The following MDGA2 variants were observed in gnomAD, a reference collection of about 807,000 sequenced individuals.
MDGA2 encodes MAM domain-containing glycosylphosphatidylinositol anchor protein 2.
MDGA2 carries 40 observed loss-of-function variants against 117.8 expected under a neutral mutation model. The ratio of observed to expected loss-of-function variants is 0.34; its 90% CI spans 0.26 to 0.44. The LOEUF is 0.44. Among genes scored for constraint, MDGA2 ranks in the 20% least tolerant of loss-of-function variants. The pLI, the probability that MDGA2 is intolerant of heterozygous loss-of-function variation, is 1.00. For missense variants in MDGA2, 1,123 were observed against 1,250.6 expected, an observed-to-expected ratio of 0.90 and a Z score of 1.54; for synonymous variants, 452 against 439.0, an observed-to-expected ratio of 1.03 and a Z score of -0.37.
rs139687088 is a variant in MDGA2, at chr14:47,134,847, T to C, written c.793-3001A>G. 4.1e-3 allele frequency among the ~76,000 whole-genome samples: 621 copies of C among 151,732 alleles called. 4 individuals are homozygous for C. The highest frequency in any genetic ancestry group is 0.014 in the African/African-American group (585 of 41,446). ...ACCAACCTCTAATCATTCTGAAAGATTTACTGCATGTAGTCAATATTCTAA... is the reference window on the plus strand; with the variant it reads ...ACCAACCTCTAATCATTCTGAAAGACTTACTGCATGTAGTCAATATTCTAA... On this transcript the variant is annotated intron_variant, in intron 4 of 16. Coordinates refer to ENST00000399232, the MANE Select transcript of MDGA2 (RefSeq NM_001113498.3).
intron 8 of MDGA2, among the ~76,000 whole-genome samples, chr14:46,994,480 C>A (rs17117900): frequency 0.29 from 43,760 of 151,126 alleles, 6,337 homozygotes; most frequent in South Asian, 0.36. Context: ...GCTTGGATGA[C>A]AAATTAACTA....
At chr14:46,949,749 C>T (rs1184333303) in intron 9 of MDGA2, among the ~76,000 whole-genome samples, 2 of 151,824 alleles carry the variant, frequency 1.3e-5, no homozygotes, top group African/African-American at 4.8e-5. Flanking sequence ...AATTAAGTCA[C>T]CTATTAATTG....
intron 1 of MDGA2, among the ~76,000 whole-genome samples, chr14:47,552,234 C>G (rs1895595604): frequency 6.6e-6 from 1 of 152,144 alleles, no homozygotes; most frequent in African/African-American, 2.4e-5. Flanking sequence ...GGTCCACAGA[C>G]TTAAATACCA....
chr14:46,897,455 T>C (rs915261498), intron 10 of MDGA2, among the ~76,000 whole-genome samples: 5 of 152,146 alleles, frequency 3.3e-5, no homozygotes, highest in South Asian at 2.1e-4. Context: ...AACATTCTAT[T>C]TTAATGGAAA....
chr14:47,172,092 G>A (rs1884172938), intron 3 of MDGA2, among the ~76,000 whole-genome samples: 1 of 152,176 alleles, frequency 6.6e-6, no homozygotes, highest in Admixed American at 6.5e-5. Context: ...CAAGGCTGGG[G>A]GAGGGGCACC....
At chr14:47,433,481 T>C (rs1489505736) in intron 1 of MDGA2, among the ~76,000 whole-genome samples, 1 of 152,112 alleles carries the variant, frequency 6.6e-6, no homozygotes, top group African/African-American at 2.4e-5. Flanking sequence ...TTTTACCCTA[T>C]AAAATAATCG....
rs7140716 is a variant in MDGA2, at chr14:47,352,485, G to C, written c.281-50935C>G. ...ACTCTCTTTTTGGACTCAGCCCACC[G>C]GCACTCAGGTGATTAAAAAGCTTTA... On this transcript the variant is annotated intron_variant, in intron 1 of 16. Coordinates refer to ENST00000399232, the MANE Select transcript of MDGA2 (RefSeq NM_001113498.3). 9.1e-3 allele frequency among the ~76,000 whole-genome samples: 1,362 copies of C among 150,066 alleles called. 17 individuals carry two copies. Among genetic ancestry groups the C allele is most frequent in the African/African-American group, 0.032 (1,267 of 39,498 alleles).
chr14:47,366,565 T>C (rs973948901), intron 1 of MDGA2, among the ~76,000 whole-genome samples: 1 of 152,244 alleles, frequency 6.6e-6, no homozygotes, highest in African/African-American at 2.4e-5. Context: ...CAGGAGGTTA[T>C]AGTTCAGTAA....
intron 8 of MDGA2, among the ~76,000 whole-genome samples, chr14:46,984,790 A>G (rs1267939361): frequency 6.6e-6 from 1 of 152,080 alleles, no homozygotes; most frequent in Non-Finnish European, 1.5e-5. Context: ...AAGAAAAAAT[A>G]CAAAATTTAT....
chr14:47,462,133 T>C (rs1188157462), intron 1 of MDGA2, among the ~76,000 whole-genome samples: 1 of 152,068 alleles, frequency 6.6e-6, no homozygotes, highest in Non-Finnish European at 1.5e-5. Flanking sequence ...ACCCCAGCAC[T>C]TTGGGAGGCC....
chr14:46,891,525 T>C (rs1882884006), intron 10 of MDGA2, among the ~76,000 whole-genome samples: 2 of 151,294 alleles, frequency 1.3e-5, no homozygotes, highest in Admixed American at 1.3e-4. Context: ...ATATAATTTA[T>C]TTCCTGTTTT....
intron 1 of MDGA2, among the ~76,000 whole-genome samples, chr14:47,460,646 A>G (rs1594868521): frequency 1.3e-5 from 2 of 152,242 alleles, no homozygotes; most frequent in East Asian, 3.9e-4. Flanking sequence ...GCAACTCATG[A>G]GGCTCATCCA....
In MDGA2 at chr14:47,370,468, G is replaced by GTTTTTTTTTTTTTTTTTTTTT. The variant is rs67255552; in HGVS notation, c.281-68939_281-68919dup. 3.4e-4 allele frequency among the ~76,000 whole-genome samples: 7 copies of GTTTTTTTTTTTTTTTTTTTTT among 20,684 alleles called. 1 individual carries two copies. Among genetic ancestry groups the GTTTTTTTTTTTTTTTTTTTTT allele is most frequent in the East Asian group, 5.0e-3 (2 of 398 alleles). 13.6% of individuals were successfully genotyped at this position (20,684 alleles called of 152,430 possible). ...TTACTATTTTCTAGGTCTACTTACTGTTTTTTTTTTTTTTTTTTTTTTTTT... is the reference window on the plus strand; with the variant it reads ...TTACTATTTTCTAGGTCTACTTACTGTTTTTTTTTTTTTTTTTTTTTTTTTTTTTTTTTTTTTTTTTTTTTT... On this transcript the variant is annotated intron_variant, in intron 1 of 16. Coordinates refer to ENST00000399232, the MANE Select transcript of MDGA2 (RefSeq NM_001113498.3).
chr14:47,218,258 C>A, intron 2 of MDGA2, 63 bp from the exon 3 acceptor site: 1 of 1,368,308 alleles, frequency 7.3e-7, no homozygotes, highest in South Asian at 1.5e-5. Context: ...AATCAAATAG[C>A]AATCACTCAT....
chr14:47,433,548 C>T (rs959005868), intron 1 of MDGA2, among the ~76,000 whole-genome samples: 3 of 152,058 alleles, frequency 2.0e-5, no homozygotes, highest in Non-Finnish European at 2.9e-5. Flanking sequence ...AAGATATTCC[C>T]TAAAGCTTTA....
At chr14:47,292,270 T>A (rs1888917383) in intron 2 of MDGA2, among the ~76,000 whole-genome samples, 2 of 152,126 alleles carry the variant, frequency 1.3e-5, no homozygotes, top group Admixed American at 1.3e-4. Context: ...ATTTCATACA[T>A]CGGTTTGGGA....
At position 46,875,611 on chromosome 14, in the gene MDGA2, G is replaced by A. The variant is rs1242798965; in HGVS notation, c.2438-1411C>T. 2.6e-5 allele frequency among the ~76,000 whole-genome samples: 4 copies of A among 151,708 alleles called. No individual in the cohort carries two copies. The East Asian group carries it at 5.8e-4, about 22-fold the overall frequency. On this transcript the variant is annotated intron_variant, in intron 12 of 16. Coordinates refer to ENST00000399232, the MANE Select transcript of MDGA2 (RefSeq NM_001113498.3). ...CATGACCTTTTGATGCTATCAGTTG[G>A]AAAAATAATGTTGGTAACAGCAGTG...
chr14:47,269,380 G>A (rs1031320485), intron 2 of MDGA2, among the ~76,000 whole-genome samples: 4 of 152,088 alleles, frequency 2.6e-5, no homozygotes, highest in Admixed American at 2.0e-4. Flanking sequence ...AAAGTAAAAA[G>A]ACTAGACAGG....
chr14:47,117,920 A>G (rs1244077283), intron 5 of MDGA2, among the ~76,000 whole-genome samples: 1 of 152,214 alleles, frequency 6.6e-6, no homozygotes, highest in Non-Finnish European at 1.5e-5. Flanking sequence ...TACTGCAATT[A>G]ATAAAATAAA....
Sources: allele counts gnomAD v4.1 joint callset (sites outside exome capture counted in the v4.1 genomes callset), GRCh38; gene constraint gnomAD v4.1.1; transcripts MANE v1.5; gene names NCBI Gene and HGNC (gene_info 2026-07-23, HGNC 2026-07-21).